Variants in SDCCAG8 observed in about 807,000 individuals in gnomAD.
The protein encoded by SDCCAG8 is serologically defined colon cancer antigen 8.
Under a neutral mutation model 101.8 loss-of-function variants are expected in SDCCAG8, and 74 were observed. The observed-to-expected ratio is 0.73, with a 90% confidence interval of 0.60 to 0.88. The LOEUF (loss-of-function observed/expected upper bound fraction) is 0.88. SDCCAG8 is among the 40% of genes least tolerant of loss of function. The probability of loss-of-function intolerance (pLI) is 0.00; values close to 1 mark genes in which losing one functional copy is unlikely to be tolerated. For missense variants in SDCCAG8, 787 were observed against 822.6 expected (o/e 0.96, Z 0.53); for synonymous variants, 281 against 292.9 (o/e 0.96, Z 0.41).
intron 10 of SDCCAG8, among the ~76,000 whole-genome samples, chr1:243,333,278 A>G (rs1054028251): frequency 6.6e-6 from 1 of 152,170 alleles, no homozygotes; most frequent in Non-Finnish European, 1.5e-5. Context: ...TCTTATCCTC[A>G]GGAAAATATT....
chr1:243,323,297 C>T (rs576033314), intron 9 of SDCCAG8, among the ~76,000 whole-genome samples: 6 of 152,238 alleles, frequency 3.9e-5, no homozygotes, highest in Non-Finnish European at 5.9e-5. Context: ...ACTGCTGGCA[C>T]GTCACTTTCT....
rs765951228 is a variant in SDCCAG8, at chr1:243,270,133, G to A, written c.96G>A (p.Leu32=). The A allele has an allele frequency of 1.2e-6, 2 of 1,614,184 alleles. No individual in the cohort carries two copies. The highest frequency in any genetic ancestry group is 4.5e-5 in the East Asian group (2 of 44,880). Residue 32 remains leucine, a synonymous_variant, in exon 2 of 18, where the codon CTG becomes CTA. Transcript: ENST00000366541. ...REHASRSIHQ[L]TCALKEGDVT... is the part of the protein sequence containing the mutation. ...ATGCCAGCAGAAGCATTCACCAACT[G>A]ACATGTGCCCTGAAAGAAGGCGATG...
intron 9 of SDCCAG8, among the ~76,000 whole-genome samples, chr1:243,324,236 C>T (rs2149341360): frequency 6.6e-6 from 1 of 152,230 alleles, no homozygotes; most frequent in Non-Finnish European, 1.5e-5. Flanking sequence ...TTTCTTTCTA[C>T]CATTTTCTCT....
At chr1:243,372,863 T>A (rs1002397373) in intron 12 of SDCCAG8, among the ~76,000 whole-genome samples, 66 of 150,852 alleles carry the variant, frequency 4.4e-4, no homozygotes, top group African/African-American at 1.5e-3. Flanking sequence ...CTGGGTATGG[T>A]GACACATGCC....
At chr1:243,389,818 A>G (rs926011394) in intron 13 of SDCCAG8, among the ~76,000 whole-genome samples, 4 of 152,146 alleles carry the variant, frequency 2.6e-5, no homozygotes, top group Non-Finnish European at 5.9e-5. Flanking sequence ...GAGAGTAGGC[A>G]GGGGATGAAG....
At chr1:243,295,645 G>C (rs1006929115) in intron 6 of SDCCAG8, among the ~76,000 whole-genome samples, 6 of 152,138 alleles carry the variant, frequency 3.9e-5, no homozygotes, top group Non-Finnish European at 7.4e-5. Context: ...TGAAGAACTG[G>C]CTTTGGTTTA....
intron 1 of SDCCAG8, among the ~76,000 whole-genome samples, chr1:243,260,088 G>A (rs1558195282): frequency 6.6e-6 from 1 of 152,050 alleles, no homozygotes; most frequent in African/African-American, 2.4e-5. Flanking sequence ...GCTTTGGGTC[G>A]CCTATGCCCT....
chr1:243,389,497 G>A (rs1194629851), intron 13 of SDCCAG8, among the ~76,000 whole-genome samples: 3 of 152,096 alleles, frequency 2.0e-5, no homozygotes, highest in Non-Finnish European at 2.9e-5. Context: ...GATAAGTACC[G>A]GAATCTACAG....
intron 13 of SDCCAG8, among the ~76,000 whole-genome samples, chr1:243,382,688 G>T (rs2078031888): frequency 6.6e-6 from 1 of 152,182 alleles, no homozygotes; most frequent in Non-Finnish European, 1.5e-5. Flanking sequence ...GAAGGTAATT[G>T]AAGAGCTTTG....
chr1:243,259,228 C>T (rs1233976504), intron 1 of SDCCAG8, among the ~76,000 whole-genome samples: 1 of 151,096 alleles, frequency 6.6e-6, no homozygotes, highest in African/African-American at 2.4e-5. Flanking sequence ...GGTGAAACCC[C>T]GTCTGTACTA....
intron 10 of SDCCAG8, among the ~76,000 whole-genome samples, chr1:243,335,621 A>G (rs2074947118): frequency 6.6e-6 from 1 of 152,258 alleles, no homozygotes; most frequent in Admixed American, 6.5e-5. Flanking sequence ...TTTTTTATGT[A>G]TCATTTATTT....
intron 3 of SDCCAG8, 75 bp from the exon 4 acceptor site, chr1:243,274,468 T>C: frequency 1.2e-6 from 1 of 856,808 alleles, no homozygotes; most frequent in Non-Finnish European, 1.9e-6. Flanking sequence ...GATTCTTTGC[T>C]AAATCCAAAC....
chr1:243,435,738 ATG>A (rs113830682), intron 16 of SDCCAG8, among the ~76,000 whole-genome samples: 11 of 150,212 alleles, frequency 7.3e-5, no homozygotes, highest in Non-Finnish European at 1.2e-4. Flanking sequence ...GAACATGTGA[ATG>A]TGTGTGTGTG....
At position 243,446,280 on chromosome 1, in the gene SDCCAG8, T is replaced by A. The variant is rs537974565; in HGVS notation, c.1985+19722T>A. On this transcript the variant is annotated intron_variant, in intron 16 of 17. Transcript: ENST00000366541. ...GCACTATCTTTCCTCCTTCTTTTTT[T>A]AAGACAGGGTCTCACTGTCTTTCTT... 1.1e-4 allele frequency among the ~76,000 whole-genome samples: 17 copies of A among 152,306 alleles called. 1 individual carries two copies. In the South Asian group the frequency reaches 3.5e-3, roughly 32 times the overall value.
chr1:243,496,496 G>A (rs1245621430), intron 17 of SDCCAG8, among the ~76,000 whole-genome samples: 2 of 152,244 alleles, frequency 1.3e-5, no homozygotes, highest in African/African-American at 2.4e-5. Context: ...ACAGGACCAC[G>A]TTTTGACTTG....
intron 1 of SDCCAG8, among the ~76,000 whole-genome samples, chr1:243,267,049 C>T (rs901573163): frequency 7.3e-5 from 11 of 151,638 alleles, no homozygotes; most frequent in Non-Finnish European, 1.5e-4. Context: ...TCGAGACCAT[C>T]CTCGCTAACA....
chr1:243,435,677 G>A (rs1465700623), intron 16 of SDCCAG8, among the ~76,000 whole-genome samples: 2 of 152,074 alleles, frequency 1.3e-5, no homozygotes, highest in African/African-American at 2.4e-5. Flanking sequence ...TTTATGGAAC[G>A]ACATTTTGGA....
chr1:243,411,647 G>A (rs767728115), intron 13 of SDCCAG8, among the ~76,000 whole-genome samples: 4 of 152,086 alleles, frequency 2.6e-5, no homozygotes, highest in Non-Finnish European at 4.4e-5. Context: ...CTGTCCCTTA[G>A]TGTTTACTTT....
Position 243,315,875 on chromosome 1 carries a change from C to A in SDCCAG8, c.930-880C>A, listed in dbSNP as rs539369643. ...AACAGGGAACACCATATGTAACAGTCCAGCATACATTTTTTGCTTTTTATG... is the reference window on the plus strand; with the variant it reads ...AACAGGGAACACCATATGTAACAGTACAGCATACATTTTTTGCTTTTTATG... On this transcript the variant is annotated intron_variant, in intron 8 of 17. Coordinates refer to ENST00000366541, the MANE Select transcript of SDCCAG8 (RefSeq NM_006642.5). Among the ~76,000 whole-genome samples, 20 of 152,334 alleles carry A rather than the reference C, an allele frequency of 1.3e-4. No homozygotes were observed. In the South Asian group the frequency reaches 4.1e-3, roughly 32 times the overall value.
Sources: allele counts gnomAD v4.1 joint callset (sites outside exome capture counted in the v4.1 genomes callset), GRCh38; gene constraint gnomAD v4.1.1; transcripts MANE v1.5; gene names NCBI Gene and HGNC (gene_info 2026-07-23, HGNC 2026-07-21).